Variants in ABCA13 observed in about 807,000 individuals in gnomAD.
ABCA13 encodes ATP-binding cassette sub-family A member 13.
ABCA13 carries 476 observed loss-of-function variants against 478.7 expected under a neutral mutation model. The ratio of observed to expected loss-of-function variants is 0.99; its 90% confidence interval spans 0.92 to 1.07. ABCA13 has a LOEUF of 1.07. Among genes scored for constraint, ABCA13 ranks in the 50% least tolerant of loss-of-function variants. The pLI is 0.00. For missense variants in ABCA13, 6,060 were observed against 5,910.6 expected, an observed-to-expected ratio of 1.03 and a Z score of -0.83; for synonymous variants, 2,252 against 2,158.9, an observed-to-expected ratio of 1.04 and a Z score of -1.20.
At chr7:48,335,395 C>T in intron 27 of ABCA13, 27 bp from the exon 28 acceptor site, 1 of 1,492,030 alleles carries the variant, frequency 6.7e-7, no homozygotes. Context: ...GAATAAGAGA[C>T]ATATCCAAAT....
chr7:48,480,638 G>C (rs779149198), intron 45 of ABCA13, among the ~76,000 whole-genome samples: 5 of 152,126 alleles, frequency 3.3e-5, no homozygotes, highest in Non-Finnish European at 5.9e-5. Context: ...TTCTACTTTA[G>C]ACCCTTATGA....
intron 20 of ABCA13, among the ~76,000 whole-genome samples, chr7:48,291,768 T>C (rs1053182462): frequency 1.3e-5 from 2 of 152,104 alleles, no homozygotes; most frequent in African/African-American, 2.4e-5. Context: ...GCGGCTAACA[T>C]AGACAGCAGA....
In ABCA13 at chr7:48,306,085, G is replaced by A. The variant is rs1297505629; in HGVS notation, c.9322-3862G>A. Among the ~76,000 whole-genome samples the A allele has an allele frequency of 4.6e-5, 7 of 152,274 alleles. No individual in the cohort carries two copies. In the South Asian group the frequency reaches 1.2e-3, roughly 27 times the overall value. On this transcript the variant is annotated intron_variant, in intron 23 of 61. Transcript: ENST00000435803. ...TCTCAAACAGGAACAACGAACGAACGCAATACAATCTTTAAAAGATAAATA... is the reference window on the plus strand; with the variant it reads ...TCTCAAACAGGAACAACGAACGAACACAATACAATCTTTAAAAGATAAATA...
chr7:48,220,457 T>C (rs1787201200), intron 4 of ABCA13, among the ~76,000 whole-genome samples: 1 of 152,232 alleles, frequency 6.6e-6, no homozygotes, highest in African/African-American at 2.4e-5. Flanking sequence ...GCTCCAACTA[T>C]AATTCCTATG....
intron 32 of ABCA13, among the ~76,000 whole-genome samples, chr7:48,369,248 A>G (rs1812256928): frequency 6.6e-6 from 1 of 151,658 alleles, no homozygotes. Context: ...TTTTGATGAA[A>G]TTGTTTTTTT....
Position 48,274,186 on chromosome 7 carries a change from T to C in ABCA13, c.4520T>C (p.Leu1507Ser), listed in dbSNP as rs571341807. 6 of 1,612,176 alleles carry C rather than the reference T, an allele frequency of 3.7e-6. No individual in the cohort carries two copies. The highest frequency in any genetic ancestry group is 1.1e-5 in the South Asian group (1 of 90,960). Reference sequence around the variant, plus strand: ...CAAGTAAGGATGAGTATCAACAACTTAACAACAGACTTTGATTTTGCATCT... The same window carrying C: ...CAAGTAAGGATGAGTATCAACAACTCAACAACAGACTTTGATTTTGCATCT... Reference protein sequence around the residue: ...TKQVRMSINNLTTDFDFASQS... With the variant: ...TKQVRMSINNSTTDFDFASQS... Residue 1507 changes from leucine to serine, a missense_variant, in exon 17 of 62, where the codon TTA (leucine) becomes TCA (serine). By Grantham distance (145) the Leu-to-Ser change is moderately radical. Coordinates refer to ENST00000435803, the MANE Select transcript of ABCA13 (RefSeq NM_152701.5).
At chr7:48,359,221 G>A (rs1490844110) in intron 31 of ABCA13, among the ~76,000 whole-genome samples, 1 of 151,930 alleles carries the variant, frequency 6.6e-6, no homozygotes, top group Non-Finnish European at 1.5e-5. Context: ...GCTCTGAGTG[G>A]CAGCCCACTC....
At chr7:48,238,614 G>T (rs552032591) in intron 8 of ABCA13, among the ~76,000 whole-genome samples, 3 of 151,912 alleles carry the variant, frequency 2.0e-5, no homozygotes, top group Non-Finnish European at 4.4e-5. Context: ...GACTACAGGC[G>T]CCCACCACCA....
intron 50 of ABCA13, among the ~76,000 whole-genome samples, chr7:48,509,254 A>G (rs1831472440): frequency 6.6e-6 from 1 of 152,158 alleles, no homozygotes; most frequent in Non-Finnish European, 1.5e-5. Flanking sequence ...CCAAGATTTT[A>G]CATCTAGTTG....
intron 3 of ABCA13, among the ~76,000 whole-genome samples, chr7:48,202,987 G>A (rs1282579950): frequency 6.6e-6 from 1 of 152,200 alleles, no homozygotes; most frequent in Non-Finnish European, 1.5e-5. Flanking sequence ...GGGAGGCTTG[G>A]GCTGCACAGG....
intron 38 of ABCA13, among the ~76,000 whole-genome samples, chr7:48,394,161 G>T (rs991655194): frequency 6.6e-6 from 1 of 152,044 alleles, no homozygotes; most frequent in Non-Finnish European, 1.5e-5. Context: ...ATAATCTAAA[G>T]GTATGGAGGC....
intron 38 of ABCA13, among the ~76,000 whole-genome samples, chr7:48,395,637 C>T (rs181604233): frequency 9.2e-5 from 14 of 152,286 alleles, no homozygotes; most frequent in African/African-American, 2.6e-4. Context: ...GCCTACTCAA[C>T]GTGAAGATGA....
chr7:48,585,608 A>G (rs1789104367), intron 56 of ABCA13, among the ~76,000 whole-genome samples: 1 of 152,158 alleles, frequency 6.6e-6, no homozygotes, highest in African/African-American at 2.4e-5. Flanking sequence ...CTTCATTATC[A>G]TTATTGTTAT....
chr7:48,610,849 G>A (rs1017482462), intron 58 of ABCA13, among the ~76,000 whole-genome samples: 49 of 152,176 alleles, frequency 3.2e-4, no homozygotes, highest in African/African-American at 1.2e-3. Context: ...AGTGAGCAGT[G>A]TCCTGAGGTT....
intron 48 of ABCA13, among the ~76,000 whole-genome samples, chr7:48,498,694 A>G (rs1225767282): frequency 6.6e-6 from 1 of 152,228 alleles, no homozygotes; most frequent in African/African-American, 2.4e-5. Flanking sequence ...CATAAAGTAC[A>G]CAGGCCACAG....
chr7:48,221,919 T>A (rs539280911), intron 5 of ABCA13, among the ~76,000 whole-genome samples: 1 of 152,304 alleles, frequency 6.6e-6, no homozygotes, highest in East Asian at 1.9e-4. Context: ...ACCCTGACAA[T>A]ATTAAAAATT....
intron 8 of ABCA13, among the ~76,000 whole-genome samples, chr7:48,237,277 T>C (rs983704679): frequency 2.7e-4 from 41 of 152,216 alleles, no homozygotes; most frequent in African/African-American, 9.1e-4. Context: ...TGGCTGATTA[T>C]CATTTAGCTA....
chr7:48,420,372 T>C (rs887766040), intron 41 of ABCA13, among the ~76,000 whole-genome samples: 14 of 152,152 alleles, frequency 9.2e-5, no homozygotes, highest in African/African-American at 3.4e-4. Context: ...AGTTACAATG[T>C]TTACTTTGTG....
chr7:48,188,561 T>C (rs1329342100), intron 1 of ABCA13, among the ~76,000 whole-genome samples: 1 of 152,158 alleles, frequency 6.6e-6, no homozygotes, highest in African/African-American at 2.4e-5. Context: ...GAAACTTTTT[T>C]TTCTTTTTTT....
Sources: gnomAD v4.1 joint callset for allele counts (sites outside exome capture counted in the v4.1 genomes callset) on GRCh38, gnomAD v4.1.1 for gene constraint, MANE v1.5 for transcripts, NCBI Gene and HGNC (gene_info 2026-07-23, HGNC 2026-07-21) for gene names.